LOX: variants seen among roughly 807,000 people sequenced by gnomAD.
LOX encodes lysyl oxidase, also known as protein-lysine 6-oxidase.
A neutral mutation model predicts 50.5 loss-of-function variants in LOX; 12 were observed. The ratio of observed to expected loss-of-function variants is 0.24; its 90% CI spans 0.15 to 0.38. LOX has a LOEUF of 0.38. Ranked by LOEUF, LOX falls within the 10% of genes least tolerant of loss-of-function variation. The pLI, the probability that LOX is intolerant of heterozygous loss-of-function variation, is 1.00. For missense variants in LOX, 504 were observed against 563.8 expected (o/e 0.89, Z 1.07); for synonymous variants, 254 against 230.6 (o/e 1.10, Z -0.92).
intron 2 of LOX, 106 bp from the exon 3 acceptor site, chr5:122,075,647 A>C (rs866734707): frequency 2.9e-6 from 2 of 699,596 alleles, no homozygotes; most frequent in African/African-American, 1.8e-5. Context: ...CTCCTTTCCC[A>C]ACTAGACTAT....
Position 122,065,792 on chromosome 5 carries a change from G to A in LOX, c.*951C>T, listed in dbSNP as rs1430806773. The A allele has an allele frequency of 6.6e-6, 1 of 151,990 alleles. No individual in the cohort carries two copies. The highest frequency in any genetic ancestry group is 2.4e-5 in the African/African-American group (1 of 41,396). The allele number at this position is 151,990 out of a possible 1,614,324, so 9.4% of individuals were successfully genotyped here. A position where few individuals can be genotyped will look rare whatever the true frequency, so the allele number is the denominator to read the frequency against. The stretch of plus-strand genomic sequence containing the variant: ...TATTTGAGAGACAGTTGTGGTTTGG[G>A]GGGGACTTGTTTGTGTGATTTTTAT... On this transcript the variant is annotated 3_prime_UTR_variant, in exon 7 of 7. Transcript: ENST00000231004.
At chr5:122,074,295 T>C in intron 3 of LOX, 126 bp from the exon 4 acceptor site, 2 of 738,142 alleles carry the variant, frequency 2.7e-6, no homozygotes, top group Non-Finnish European at 4.4e-6. Flanking sequence ...CAAATTTATC[T>C]TCTAAAAGAG....
In LOX at chr5:122,070,099, G is replaced by C; in HGVS notation, c.1201C>G (p.Arg401Gly). Residue 401 changes from arginine (R) to glycine (G), a missense_variant, in exon 6 of 7, where the codon CGC becomes GGC. By Grantham distance (125) the Arg-to-Gly change is moderately radical. This residue lies in a region of LOX where 106 missense variants were observed against 198.1 expected (regional missense o/e 0.54). Coordinates refer to ENST00000231004, the MANE Select transcript of LOX (RefSeq NM_002317.7). ...YTNNVVRCDI[R>G]YTGHHAYASG... is the part of the protein sequence containing the mutation. The stretch of plus-strand genomic sequence containing the variant: ...GCATACGCATGATGTCCTGTGTAGC[G>C]AATGTCACAGCGCACAACATTGTTG... 1 of 1,613,254 alleles carries C rather than the reference G, an allele frequency of 6.2e-7. No homozygotes were observed. The highest frequency in any genetic ancestry group is 8.5e-7 in the Non-Finnish European group (1 of 1,179,384).
chr5:122,076,760 C>G (rs1754648458), intron 2 of LOX, 133 bp downstream of exon 2: 1 of 697,948 alleles, frequency 1.4e-6, no homozygotes, highest in Non-Finnish European at 2.5e-6. Context: ...CCCAGGAGGT[C>G]ACGTCCCACT....
rs1392461229 is a variant in LOX, at chr5:122,064,974, T to C, written c.*1769A>G. 6.6e-6 allele frequency: 1 copy of C among 152,082 alleles called. No individual in the cohort carries two copies. Among genetic ancestry groups the C allele is most frequent in the Non-Finnish European group, 1.5e-5 (1 of 67,972 alleles). The allele number at this position is 152,082 out of a possible 1,614,324, so 9.4% of individuals were successfully genotyped here. On this transcript the variant is annotated 3_prime_UTR_variant, in exon 7 of 7. Coordinates refer to ENST00000231004, the MANE Select transcript of LOX (RefSeq NM_002317.7). ...TTTTTGTTTTTTAAGAAAGCAAGTA[T>C]ATTAAAATATCTCTGTTAGAAAAGA...
chr5:122,073,973 T>A, intron 4 of LOX, 40 bp downstream of exon 4: 1 of 1,591,324 alleles, frequency 6.3e-7, no homozygotes, highest in East Asian at 2.2e-5. Flanking sequence ...CCCGTTTCTC[T>A]CTGAGGCTTG....
In LOX at chr5:122,075,501, C is replaced by G. The variant is rs556521876; in HGVS notation, c.781G>C (p.Val261Leu). The stretch of plus-strand genomic sequence containing the variant: ...ACTCTTTGGGGAAATCTGAGCAGCA[C>G]CCTGTGATCATAATCTCTGACATCT... ...RADVRDYDHR[V>L]LLRFPQRVKN... Residue 261 changes from valine to leucine, a missense_variant, in exon 3 of 7, where the codon GTG becomes CTG. Physicochemically the swap from Val to Leu is conservative, Grantham distance 32. This residue lies in a region of LOX where 106 missense variants were observed against 198.1 expected (regional missense o/e 0.54). Coordinates refer to ENST00000231004, the MANE Select transcript of LOX (RefSeq NM_002317.7). 2.5e-6 allele frequency: 4 copies of G among 1,612,606 alleles called. No individual in the cohort carries two copies. In the African/African-American group the frequency reaches 5.3e-5, roughly 22 times the overall value.
chr5:122,071,625 A>G (rs1754455765), intron 4 of LOX, among the ~76,000 whole-genome samples: 2 of 152,208 alleles, frequency 1.3e-5, no homozygotes, highest in Admixed American at 1.3e-4. Flanking sequence ...CTGTAGGTAT[A>G]TTCTTGATTC....
intron 2 of LOX, 167 bp from the exon 3 acceptor site, chr5:122,075,708 C>T (rs1344359490): frequency 4.4e-6 from 2 of 456,134 alleles, no homozygotes; most frequent in African/African-American, 2.0e-5. Flanking sequence ...TTGCTGAATC[C>T]AAAGCTCCTA....
rs917015625 is a variant in LOX at position 122,078,112 on chromosome 5, A to C, written c.-127T>G. The C allele has an allele frequency of 4.7e-5, 40 of 857,500 alleles. No individual in the cohort carries two copies. The highest frequency in any genetic ancestry group is 8.3e-5 in the Admixed American group (2 of 24,230). 53.1% of individuals were successfully genotyped at this position (857,500 alleles called of 1,614,324 possible). A position where few individuals can be genotyped will look rare whatever the true frequency, so the allele number is the denominator to read the frequency against. On this transcript the variant is annotated 5_prime_UTR_variant, in exon 1 of 7. Coordinates refer to ENST00000231004, the MANE Select transcript of LOX (RefSeq NM_002317.7). ...GAGGCGAGCGGAGCACGGGTATCTC[A>C]GTCTCCACCAAGCAATGCCAAGGGT...
At position 122,077,183 on chromosome 5, in the gene LOX, A is replaced by G; in HGVS notation, c.631+172T>C. 1 of 1,466,460 alleles carries G rather than the reference A, an allele frequency of 6.8e-7. No individual in the cohort carries two copies. 90.8% of individuals were successfully genotyped at this position (1,466,460 alleles called of 1,614,324 possible). A position where few individuals can be genotyped will look rare whatever the true frequency, so the allele number is the denominator to read the frequency against. ...CAAAGCAATGTGAAAAGGAAGCAGG[A>G]GGGGCCAGACGCGCGGTTTGCACTG... On this transcript the variant is annotated intron_variant, in intron 1 of 6. Coordinates refer to ENST00000231004, the MANE Select transcript of LOX (RefSeq NM_002317.7). The surrounding 1 kb of genome is among the most constrained non-coding windows in gnomAD (Gnocchi z 4.9).
At position 122,065,798 on chromosome 5, in the gene LOX, C is replaced by T. The variant is rs982616050; in HGVS notation, c.*945G>A. On this transcript the variant is annotated 3_prime_UTR_variant, in exon 7 of 7. Coordinates refer to ENST00000231004, the MANE Select transcript of LOX (RefSeq NM_002317.7). ...AGAGACAGTTGTGGTTTGGGGGGGA[C>T]TTGTTTGTGTGATTTTTATGTCAGC... 1 of 151,862 alleles carries T rather than the reference C, an allele frequency of 6.6e-6. No individual in the cohort carries two copies. The highest frequency in any genetic ancestry group is 2.4e-5 in the African/African-American group (1 of 41,358). The allele number at this position is 151,862 out of a possible 1,614,324, so 9.4% of individuals were successfully genotyped here. A position where few individuals can be genotyped will look rare whatever the true frequency, so the allele number is the denominator to read the frequency against.
At chr5:122,071,392 C>G (rs1333196033) in intron 4 of LOX, among the ~76,000 whole-genome samples, 1 of 152,078 alleles carries the variant, frequency 6.6e-6, no homozygotes, top group East Asian at 1.9e-4. Context: ...TTCTTAACTA[C>G]CCCACTATAC....
At chr5:122,073,825 G>C (rs78476740) in intron 4 of LOX, among the ~76,000 whole-genome samples, 188 bp downstream of exon 4, 1 of 152,316 alleles carries the variant, frequency 6.6e-6, no homozygotes, top group East Asian at 1.9e-4. Flanking sequence ...TTATAAAAGA[G>C]AGGTGAGAGG....
intron 6 of LOX, 30 bp from the exon 7 acceptor site, chr5:122,066,779 T>C: frequency 2.1e-6 from 3 of 1,443,222 alleles, no homozygotes; most frequent in Non-Finnish European, 2.9e-6. Flanking sequence ...TAAGACAAAT[T>C]ATTAACCTGA....
chr5:122,077,164 A>G lies in LOX; in HGVS notation c.632-163T>C, dbSNP rs970055786. On this transcript the variant is annotated intron_variant, in intron 1 of 6. Transcript: ENST00000231004. This position sits in a 1 kb window ranked among gnomAD's most constrained non-coding sequence, Gnocchi z 4.9. ...CTGGGGACGCCCGGGACTGCAAAGCAATGTGAAAAGGAAGCAGGAGGGGCC... is the reference window on the plus strand; with the variant it reads ...CTGGGGACGCCCGGGACTGCAAAGCGATGTGAAAAGGAAGCAGGAGGGGCC... 1.0e-5 allele frequency: 15 copies of G among 1,465,424 alleles called. No homozygotes were observed. The African/African-American group carries it at 2.1e-4, about 21-fold the overall frequency. 90.8% of individuals were successfully genotyped at this position (1,465,424 alleles called of 1,614,324 possible). A position where few individuals can be genotyped will look rare whatever the true frequency, so the allele number is the denominator to read the frequency against.
rs1754284018 is a variant in LOX, at chr5:122,065,797, A to T, written c.*946T>A. ...GAGAGACAGTTGTGGTTTGGGGGGG[A>T]CTTGTTTGTGTGATTTTTATGTCAG... On this transcript the variant is annotated 3_prime_UTR_variant, in exon 7 of 7. Transcript: ENST00000231004. 6.6e-6 allele frequency: 1 copy of T among 151,468 alleles called. No homozygotes were observed. Among genetic ancestry groups the T allele is most frequent in the Admixed American group, 6.6e-5 (1 of 15,140 alleles). The allele number at this position is 151,468 out of a possible 1,614,324, so 9.4% of individuals were successfully genotyped here. A position where few individuals can be genotyped will look rare whatever the true frequency, so the allele number is the denominator to read the frequency against.
chr5:122,070,482 A>T lies in LOX; in HGVS notation c.1131+12T>A. The T allele has an allele frequency of 1.4e-6, 2 of 1,461,790 alleles. No homozygotes were observed. Among genetic ancestry groups the T allele is most frequent in the Non-Finnish European group, 1.9e-6 (2 of 1,049,936 alleles). 90.6% of individuals were successfully genotyped at this position (1,461,790 alleles called of 1,614,324 possible). On this transcript the variant is annotated intron_variant, in intron 5 of 6. Transcript: ENST00000231004. ...CAATATCAATATATGATATATTTTC[A>T]AAGGTCTTTACCTTTAGGATATAGT...
At chr5:122,068,718 C>T (rs1174857797) in intron 6 of LOX, among the ~76,000 whole-genome samples, 3 of 151,970 alleles carry the variant, frequency 2.0e-5, no homozygotes, top group Non-Finnish European at 4.4e-5. Context: ...TGTAATAAGG[C>T]TACAGCAGTA....
Sources: gnomAD v4.1 joint callset for allele counts (sites outside exome capture counted in the v4.1 genomes callset) on GRCh38, gnomAD v4.1.1 for gene constraint, gnomAD v4.1.1 regional missense constraint, Gnocchi (gnomAD v3.1) non-coding constraint, MANE v1.5 for transcripts, NCBI Gene and HGNC (gene_info 2026-07-23, HGNC 2026-07-21) for gene names.